Variants in FRMD4A observed in about 807,000 individuals in gnomAD.
FRMD4A encodes FERM domain-containing protein 4A.
FRMD4A carries 29 observed loss-of-function variants against 129.1 expected under a neutral mutation model. The observed-to-expected ratio is 0.22, with a 90% confidence interval of 0.17 to 0.31. The LOEUF (loss-of-function observed/expected upper bound fraction) is 0.31, where lower values mean the gene tolerates loss of function less well. Among genes scored for constraint, FRMD4A ranks in the 10% least tolerant of loss-of-function variants. The pLI is 1.00. For missense variants in FRMD4A, 1,272 were observed against 1,375.8 expected, an observed-to-expected ratio of 0.92 and a Z score of 1.19; for synonymous variants, 634 against 571.6, an observed-to-expected ratio of 1.11 and a Z score of -1.56.
chr10:13,830,047 G>GCT (rs139272377), intron 3 of FRMD4A, among the ~76,000 whole-genome samples: 4 of 151,142 alleles, frequency 2.6e-5, no homozygotes, highest in Non-Finnish European at 5.9e-5. Context: ...ACATGCCCTA[G>GCT]CTCTCTCTCT....
At chr10:13,689,549 C>CTTT (rs34800095) in intron 15 of FRMD4A, among the ~76,000 whole-genome samples, 1,562 of 128,610 alleles carry the variant, frequency 0.012, 48 homozygotes, top group African/African-American at 0.04. Flanking sequence ...TTAGAAGATT[C>CTTT]TTTTTTTTTT....
chr10:14,301,076 A>G (rs575343904), intron 2 of FRMD4A, among the ~76,000 whole-genome samples: 27 of 152,328 alleles, frequency 1.8e-4, no homozygotes, highest in African/African-American at 6.3e-4. Context: ...AGTCCCCTGT[A>G]AAAACTCTAG....
At chr10:13,735,220 A>G (rs2090566084) in intron 12 of FRMD4A, among the ~76,000 whole-genome samples, 1 of 152,206 alleles carries the variant, frequency 6.6e-6, no homozygotes, top group Non-Finnish European at 1.5e-5. Flanking sequence ...GCTGTGACAG[A>G]TTGGTAGTCT....
chr10:13,658,132 TAAAA>T lies in FRMD4A; in HGVS notation c.2067-614_2067-611del, dbSNP rs565374030. ...CAACAGGGCAAGACCCTGTCTCTCT[TAAAA>T]AAAAAAAAAAAAAAAAAAAAAGAAA... is the stretch of plus-strand genomic sequence containing the variant. On this transcript the variant is annotated intron_variant, in intron 21 of 24. Transcript: ENST00000357447. Among the ~76,000 whole-genome samples, 52 of 81,268 alleles carry T rather than the reference TAAAA, an allele frequency of 6.4e-4. 1 individual carries two copies. Among genetic ancestry groups the T allele is most frequent in the African/African-American group, 2.0e-3 (44 of 22,394 alleles). The allele number at this position is 81,268 out of a possible 152,430, so 53.3% of individuals were successfully genotyped here.
intron 2 of FRMD4A, among the ~76,000 whole-genome samples, chr10:13,922,675 T>C (rs2095086754): frequency 6.6e-6 from 1 of 152,208 alleles, no homozygotes; most frequent in Non-Finnish European, 1.5e-5. Context: ...TGCTTCTGAC[T>C]AGAAAATGCC....
At chr10:14,226,876 A>G (rs925153165) in intron 2 of FRMD4A, among the ~76,000 whole-genome samples, 11 of 152,108 alleles carry the variant, frequency 7.2e-5, no homozygotes, top group African/African-American at 2.7e-4. Context: ...GCTGCCTTCC[A>G]AGACCCCAAT....
intron 2 of FRMD4A, among the ~76,000 whole-genome samples, chr10:13,982,998 GCT>G (rs2095567698): frequency 6.6e-6 from 1 of 151,936 alleles, no homozygotes. Flanking sequence ...ATGGGGTCTG[GCT>G]CTGTCGTGCA....
At chr10:14,104,483 G>T (rs1009632729) in intron 2 of FRMD4A, among the ~76,000 whole-genome samples, 3 of 152,182 alleles carry the variant, frequency 2.0e-5, no homozygotes, top group African/African-American at 4.8e-5. Context: ...TTTCTTTCCA[G>T]ATGCTCTACT....
rs548397471 is a variant in FRMD4A, at chr10:13,965,157, T to C, written c.46-106245A>G. Among the ~76,000 whole-genome samples the C allele has an allele frequency of 3.2e-4, 48 of 151,380 alleles. 1 individual carries two copies. In the South Asian group the frequency reaches 9.9e-3, roughly 31 times the overall value. ...GGAATATATTTGAGGTCCACAGACATTGCCATCTGTAATCAAGTTACGGTG... is the reference window on the plus strand; with the variant it reads ...GGAATATATTTGAGGTCCACAGACACTGCCATCTGTAATCAAGTTACGGTG... On this transcript the variant is annotated intron_variant, in intron 2 of 24. Transcript: ENST00000357447.
Position 14,087,959 on chromosome 10 carries a change from G to T in FRMD4A, c.46-229047C>A, listed in dbSNP as rs114546629. On this transcript the variant is annotated intron_variant, in intron 2 of 24. Coordinates refer to ENST00000357447, the MANE Select transcript of FRMD4A (RefSeq NM_018027.5). ...ATACTAAAAAGCAAATTATTATCGG[G>T]GGTTGTTTGTCATTCACAGGAGGAA... Among the ~76,000 whole-genome samples, 1,417 of 152,198 alleles carry T rather than the reference G, an allele frequency of 9.3e-3. 19 individuals carry two copies. Among genetic ancestry groups the T allele is most frequent in the African/African-American group, 0.031 (1,301 of 41,504 alleles).
intron 2 of FRMD4A, among the ~76,000 whole-genome samples, chr10:14,102,084 A>G (rs1837335491): frequency 6.6e-6 from 1 of 152,220 alleles, no homozygotes; most frequent in African/African-American, 2.4e-5. Context: ...GCAGGATGCA[A>G]AGGAGCTCAG....
At chr10:14,250,356 G>T (rs1246047014) in intron 2 of FRMD4A, among the ~76,000 whole-genome samples, 6 of 152,252 alleles carry the variant, frequency 3.9e-5, no homozygotes, top group African/African-American at 1.4e-4. Context: ...GAAAGAGGAA[G>T]CATAGAATAG....
intron 2 of FRMD4A, among the ~76,000 whole-genome samples, chr10:14,131,401 C>CCG (rs1564324134): frequency 6.6e-6 from 1 of 151,672 alleles, no homozygotes; most frequent in African/African-American, 2.4e-5. Context: ...ACTGTGCCCC[C>CCG]CCCGGCCGCC....
chr10:13,917,324 C>A (rs1484294708), intron 2 of FRMD4A, among the ~76,000 whole-genome samples: 1 of 150,696 alleles, frequency 6.6e-6, no homozygotes, highest in Non-Finnish European at 1.5e-5. Flanking sequence ...GCTTTGTCGC[C>A]CAGTCTGGAG....
chr10:14,010,630 C>T (rs934158404), intron 2 of FRMD4A, among the ~76,000 whole-genome samples: 2 of 133,150 alleles, frequency 1.5e-5, no homozygotes, highest in Non-Finnish European at 3.2e-5. Context: ...GTGTCGGAGA[C>T]TTACATATTC....
intron 14 of FRMD4A, among the ~76,000 whole-genome samples, chr10:13,700,903 G>T (rs1440802057): frequency 2.2e-5 from 3 of 138,236 alleles, no homozygotes; most frequent in African/African-American, 8.1e-5. Context: ...GGAACCGCCT[G>T]AGGGTTTTCA....
intron 2 of FRMD4A, among the ~76,000 whole-genome samples, chr10:14,310,909 A>T (rs1846526117): frequency 6.6e-6 from 1 of 152,046 alleles, no homozygotes. Context: ...TCTGCTCTTA[A>T]GCTCGCTCCT....
chr10:14,195,786 G>C (rs1260354695), intron 2 of FRMD4A, among the ~76,000 whole-genome samples: 4 of 152,206 alleles, frequency 2.6e-5, no homozygotes, highest in Non-Finnish European at 5.9e-5. Context: ...CTTGGATCCA[G>C]TGTACTGTGG....
intron 12 of FRMD4A, among the ~76,000 whole-genome samples, chr10:13,737,011 C>T (rs1401481300): frequency 6.6e-6 from 1 of 152,298 alleles, no homozygotes; most frequent in South Asian, 2.1e-4. Flanking sequence ...AGCAAATAAC[C>T]TTATTTTCTG....
Sources: gnomAD v4.1 joint callset for allele counts (sites outside exome capture counted in the v4.1 genomes callset) on GRCh38, gnomAD v4.1.1 for gene constraint, MANE v1.5 for transcripts, NCBI Gene and HGNC (gene_info 2026-07-23, HGNC 2026-07-21) for gene names.